The following CPEB3 variants were observed in gnomAD, a reference collection of about 807,000 sequenced individuals.
CPEB3 encodes cytoplasmic polyadenylation element binding protein 3.
In CPEB3, 20 loss-of-function variants were observed where a neutral mutation model predicts 67.2. The observed-to-expected ratio is 0.30, with a 90% confidence interval of 0.21 to 0.43. CPEB3 has a LOEUF of 0.43. Among genes scored for constraint, CPEB3 ranks in the 20% least tolerant of loss-of-function variants. The pLI is 1.00. For missense variants in CPEB3, 746 were observed against 968.6 expected (o/e 0.77, Z 3.05); for synonymous variants, 376 against 393.1 (o/e 0.96, Z 0.51).
chr10:92,190,201 C>T (rs1848898564), intron 3 of CPEB3, among the ~76,000 whole-genome samples: 1 of 151,910 alleles, frequency 6.6e-6, no homozygotes, highest in Non-Finnish European at 1.5e-5. Context: ...TCACTTGAAT[C>T]TGGGAGGCAG....
chr10:92,161,162 T>G (rs911364663), intron 4 of CPEB3, among the ~76,000 whole-genome samples: 4 of 152,034 alleles, frequency 2.6e-5, no homozygotes, highest in African/African-American at 4.8e-5. Context: ...TGGTTCATGA[T>G]GGTTGGGAAC....
At chr10:92,206,158 A>C (rs1322240535) in intron 2 of CPEB3, among the ~76,000 whole-genome samples, 1 of 146,330 alleles carries the variant, frequency 6.8e-6, no homozygotes. Context: ...CATAACCTCC[A>C]CCTCCCGGGT....
intron 8 of CPEB3, among the ~76,000 whole-genome samples, chr10:92,088,646 A>G: frequency 6.6e-6 from 1 of 152,058 alleles, no homozygotes; most frequent in South Asian, 2.1e-4. Flanking sequence ...AAAAAAACTC[A>G]CAAGATCCAA....
In CPEB3 at chr10:92,052,371, C is replaced by G; in HGVS notation, c.1938G>C (p.Gly646=). The change falls in exon 10 of 10, where the codon GGG becomes GGC. Residue 646 remains glycine, a synonymous_variant. Transcript: ENST00000265997. The part of the protein sequence containing the change: ...CDECQGTRCG[G]KFAPFFCANV... ...TGGCACAGAAGAACGGGGCAAACTT[C>G]CCACCACAGCGTGTGCCCTGGCACT... The G allele has an allele frequency of 2.5e-6, 4 of 1,614,246 alleles. No homozygotes were observed. The highest frequency in any genetic ancestry group is 2.5e-6 in the Non-Finnish European group (3 of 1,180,046).
chr10:92,217,296 T>C (rs1441302743), intron 2 of CPEB3, among the ~76,000 whole-genome samples: 1 of 143,720 alleles, frequency 7.0e-6, no homozygotes, highest in African/African-American at 2.6e-5. Flanking sequence ...CAGAATAAAA[T>C]TCCCAACTTG....
intron 6 of CPEB3, among the ~76,000 whole-genome samples, chr10:92,140,550 C>T (rs1199337852): frequency 6.6e-6 from 1 of 151,834 alleles, no homozygotes; most frequent in Non-Finnish European, 1.5e-5. Flanking sequence ...TAGGCATTAC[C>T]ATTCAGGACA....
intron 1 of CPEB3, among the ~76,000 whole-genome samples, chr10:92,264,870 A>G (rs906840617): frequency 6.6e-6 from 1 of 152,094 alleles, no homozygotes; most frequent in Admixed American, 6.6e-5. Context: ...ACTCTTGTCT[A>G]TAAAAAAAAT....
intron 2 of CPEB3, among the ~76,000 whole-genome samples, chr10:92,212,507 C>T (rs1261260017): frequency 1.3e-5 from 2 of 152,074 alleles, no homozygotes; most frequent in Non-Finnish European, 2.9e-5. Context: ...CCTCGGTCTC[C>T]CAAAGTGCTG....
At chr10:92,198,896 A>G (rs547260159) in intron 2 of CPEB3, among the ~76,000 whole-genome samples, 1 of 152,226 alleles carries the variant, frequency 6.6e-6, no homozygotes, top group East Asian at 1.9e-4. Flanking sequence ...ATGGAGGCTT[A>G]GTTGGGAAGA....
At chr10:92,224,876 T>C (rs1304551633) in intron 2 of CPEB3, among the ~76,000 whole-genome samples, 2 of 146,586 alleles carry the variant, frequency 1.4e-5, no homozygotes, top group Non-Finnish European at 3.0e-5. Flanking sequence ...TATATAACTT[T>C]ATATATATAT....
intron 4 of CPEB3, among the ~76,000 whole-genome samples, chr10:92,179,120 A>G (rs1439424925): frequency 6.6e-6 from 1 of 152,168 alleles, no homozygotes; most frequent in Non-Finnish European, 1.5e-5. Context: ...AAATTACAGA[A>G]TAACAGTATC....
intron 2 of CPEB3, among the ~76,000 whole-genome samples, chr10:92,220,489 AC>A (rs1292511214): frequency 8.9e-6 from 1 of 112,046 alleles, no homozygotes; most frequent in Non-Finnish European, 1.8e-5. Flanking sequence ...TCCCCACCCC[AC>A]CCCCATCCCA....
intron 2 of CPEB3, among the ~76,000 whole-genome samples, chr10:92,230,864 C>T (rs1178762003): frequency 6.6e-6 from 1 of 152,126 alleles, no homozygotes; most frequent in African/African-American, 2.4e-5. Context: ...CTCTCAAGAT[C>T]AAAACTTGAG....
intron 1 of CPEB3, among the ~76,000 whole-genome samples, chr10:92,262,617 G>A (rs1173991130): frequency 6.6e-6 from 1 of 151,962 alleles, no homozygotes; most frequent in African/African-American, 2.4e-5. Flanking sequence ...GAGGCTGAGG[G>A]GGGAGGATTG....
At chr10:92,181,097 C>T in intron 3 of CPEB3, 78 bp from the exon 4 acceptor site, 1 of 780,572 alleles carries the variant, frequency 1.3e-6, no homozygotes. Flanking sequence ...ATAAACATTA[C>T]AAAAATCTAA....
At chr10:92,150,684 T>G (rs1000344592) in intron 4 of CPEB3, among the ~76,000 whole-genome samples, 2 of 152,184 alleles carry the variant, frequency 1.3e-5, no homozygotes, top group African/African-American at 4.8e-5. Flanking sequence ...ACTGAAAATT[T>G]AAGAGGCTGC....
intron 2 of CPEB3, among the ~76,000 whole-genome samples, chr10:92,221,153 A>C (rs1850680040): frequency 6.6e-6 from 1 of 152,216 alleles, no homozygotes; most frequent in Non-Finnish European, 1.5e-5. Context: ...AATATTTCTG[A>C]GTTATAACTC....
At chr10:92,099,019 G>A (rs1055807630) in intron 7 of CPEB3, among the ~76,000 whole-genome samples, 5 of 151,618 alleles carry the variant, frequency 3.3e-5, no homozygotes, top group African/African-American at 9.7e-5. Flanking sequence ...TGATCTGCCC[G>A]CCTCAGCCTC....
At chr10:92,241,291 C>G (rs1229437470) in intron 1 of CPEB3, among the ~76,000 whole-genome samples, 1 of 130,672 alleles carries the variant, frequency 7.7e-6, no homozygotes, top group East Asian at 2.3e-4. Flanking sequence ...AGAGTGCGCG[C>G]GAGCGAGCGA....
Sources: gnomAD v4.1 joint callset for allele counts (sites outside exome capture counted in the v4.1 genomes callset) on GRCh38, gnomAD v4.1.1 for gene constraint, MANE v1.5 for transcripts, NCBI Gene and HGNC (gene_info 2026-07-23, HGNC 2026-07-21) for gene names.